Variants in STARD13 observed in about 807,000 individuals in gnomAD.
STARD13 encodes StAR related lipid transfer domain containing 13.
Under a neutral mutation model 106.4 loss-of-function variants are expected in STARD13, and 62 were observed. That is an observed-to-expected ratio of 0.58 (90% CI 0.48 to 0.72). STARD13 has a LOEUF of 0.72. STARD13 is among the 30% of genes least tolerant of loss of function. The probability of loss-of-function intolerance (pLI) is 0.00; values close to 1 mark genes in which losing one functional copy is unlikely to be tolerated. For missense variants in STARD13, 1,387 were observed against 1,424.0 expected, an observed-to-expected ratio of 0.97 and a Z score of 0.42; for synonymous variants, 565 against 553.0, an observed-to-expected ratio of 1.02 and a Z score of -0.31.
At chr13:33,482,500 A>G in the STARD13 span, among the ~76,000 whole-genome samples, 2 of 152,320 alleles carry the variant, frequency 1.3e-5, no homozygotes, top group African/African-American at 2.4e-5. Context: ...AAATAAGTAT[A>G]TAAAGATAGA....
At chr13:33,143,454 A>G (rs1001218902) in intron 3 of STARD13, among the ~76,000 whole-genome samples, 2 of 152,266 alleles carry the variant, frequency 1.3e-5, no homozygotes, top group Non-Finnish European at 2.9e-5. Context: ...TGAGTATACC[A>G]ATAATCATTC....
chr13:33,388,477 TGGA>T, the STARD13 span, among the ~76,000 whole-genome samples: 1 of 152,204 alleles, frequency 6.6e-6, no homozygotes, highest in Non-Finnish European at 1.5e-5. Flanking sequence ...TGTGTGGATT[TGGA>T]GGAGCTCTTT....
chr13:33,636,712 A>C, the STARD13 span, among the ~76,000 whole-genome samples: 40 of 152,296 alleles, frequency 2.6e-4, no homozygotes, highest in African/African-American at 9.4e-4. Flanking sequence ...AACTATTTTT[A>C]AAAAATGAGT....
At chr13:33,584,002 A>G in the STARD13 span, among the ~76,000 whole-genome samples, 2 of 152,214 alleles carry the variant, frequency 1.3e-5, no homozygotes, top group Non-Finnish European at 2.9e-5. Context: ...TTGCTAGATC[A>G]AATCGTAATT....
the STARD13 span, among the ~76,000 whole-genome samples, chr13:33,437,279 C>A: frequency 6.6e-6 from 1 of 152,180 alleles, no homozygotes. Context: ...CGTGTACCCC[C>A]TGCTTGCTCA....
the STARD13 span, among the ~76,000 whole-genome samples, chr13:33,389,732 A>G: frequency 3.3e-5 from 5 of 152,312 alleles, no homozygotes; most frequent in South Asian, 1.0e-3. Context: ...ACATGGTCAT[A>G]TAATCTAATA....
At chr13:33,616,642 C>T in the STARD13 span, among the ~76,000 whole-genome samples, 7 of 152,154 alleles carry the variant, frequency 4.6e-5, no homozygotes, top group African/African-American at 9.7e-5. Context: ...ATTCTCTTTA[C>T]GTATTTATAT....
chr13:33,597,649 C>G, the STARD13 span, among the ~76,000 whole-genome samples: 4 of 151,230 alleles, frequency 2.6e-5, no homozygotes, highest in African/African-American at 7.3e-5. Context: ...AGTTCCAGAC[C>G]AGCCTGACCA....
chr13:33,122,047 T>C (rs1468763430), intron 7 of STARD13, among the ~76,000 whole-genome samples: 3 of 152,194 alleles, frequency 2.0e-5, no homozygotes, highest in Non-Finnish European at 1.5e-5. Flanking sequence ...GGTTTTACCA[T>C]GTTGGCCAGG....
the STARD13 span, among the ~76,000 whole-genome samples, chr13:33,581,806 G>A: frequency 6.6e-6 from 1 of 152,118 alleles, no homozygotes; most frequent in African/African-American, 2.4e-5. Context: ...GAAAGACTGG[G>A]TGAATATATA....
At chr13:33,645,933 T>C in the STARD13 span, among the ~76,000 whole-genome samples, 3 of 152,164 alleles carry the variant, frequency 2.0e-5, no homozygotes, top group Non-Finnish European at 2.9e-5. Context: ...TTGCAACTAA[T>C]TAAGAATTCT....
the STARD13 span, among the ~76,000 whole-genome samples, chr13:33,669,359 A>G: frequency 6.6e-6 from 1 of 151,938 alleles, no homozygotes; most frequent in Non-Finnish European, 1.5e-5. Flanking sequence ...TCCCCTCCTG[A>G]GTCTTTAAAC....
the STARD13 span, among the ~76,000 whole-genome samples, chr13:33,540,988 A>C: frequency 6.6e-6 from 1 of 152,328 alleles, no homozygotes; most frequent in South Asian, 2.1e-4. Flanking sequence ...GGAAGTGCTA[A>C]AAGTGAGGGA....
intron 1 of STARD13, among the ~76,000 whole-genome samples, chr13:33,236,606 G>A (rs1404336311): frequency 1.3e-5 from 2 of 152,200 alleles, no homozygotes; most frequent in Admixed American, 1.3e-4. Flanking sequence ...CTAATGCTGA[G>A]CATAAGGAAG....
chr13:33,281,768 A>G (rs2094936866), intron 1 of STARD13, among the ~76,000 whole-genome samples: 1 of 152,182 alleles, frequency 6.6e-6, no homozygotes, highest in South Asian at 2.1e-4. Flanking sequence ...AGGTACTTAA[A>G]GTAGTCAAAT....
At chr13:33,165,727 T>C (rs1883239377) in intron 2 of STARD13, among the ~76,000 whole-genome samples, 1 of 152,230 alleles carries the variant, frequency 6.6e-6, no homozygotes, top group African/African-American at 2.4e-5. Flanking sequence ...GAAGAGCTTT[T>C]GTGCTTTCAC....
chr13:33,317,024 A>G lies in STARD13; in HGVS notation c.124+33266T>C, dbSNP rs138418830. 4.9e-3 allele frequency among the ~76,000 whole-genome samples: 744 copies of G among 152,230 alleles called. 7 individuals are homozygous for G. Among genetic ancestry groups the G allele is most frequent in the African/African-American group, 0.017 (698 of 41,552 alleles). ...ATCAGGCTTTCCTGATTTTCCTGCC[A>G]TCTCAGTCTCCTTTGAGACATTCTT... On this transcript the variant is annotated intron_variant, in intron 1 of 5. Transcript: ENST00000567873.
rs563963473 is a variant in STARD13 at position 33,268,387 on chromosome 13, T to C, written c.169+17083A>G. Among the ~76,000 whole-genome samples the C allele has an allele frequency of 2.6e-4, 39 of 152,212 alleles. 1 individual carries two copies. The highest frequency in any genetic ancestry group is 8.7e-4 in the African/African-American group (36 of 41,446). On this transcript the variant is annotated intron_variant, in intron 1 of 13. Transcript: ENST00000336934. ...ATCTTCCCCATAAGTAGTTCATCCA[T>C]AGCAGAACTGGCCGTGTTGCTGATG...
At chr13:33,550,392 T>C in the STARD13 span, among the ~76,000 whole-genome samples, 21 of 152,358 alleles carry the variant, frequency 1.4e-4, no homozygotes, top group South Asian at 2.9e-3. Flanking sequence ...CCAGAACAGT[T>C]ATTCTGTCCT....
Sources: allele counts gnomAD v4.1 joint callset (sites outside exome capture counted in the v4.1 genomes callset), GRCh38; gene constraint gnomAD v4.1.1; transcripts MANE v1.5; gene names NCBI Gene and HGNC (gene_info 2026-07-23, HGNC 2026-07-21).